KCNQ1: variants seen among roughly 807,000 people sequenced by gnomAD.
KCNQ1 encodes the protein potassium voltage-gated channel subfamily KQT member 1.
KCNQ1 carries 49 observed loss-of-function variants against 72.4 expected under a neutral mutation model. That is an observed-to-expected ratio of 0.68 (90% confidence interval 0.54 to 0.86). The LOEUF (loss-of-function observed/expected upper bound fraction) is 0.86, where lower values mean the gene tolerates loss of function less well. KCNQ1 is among the 40% of genes least tolerant of loss of function. The pLI is 0.00. For missense variants in KCNQ1, 790 were observed against 945.1 expected, an observed-to-expected ratio of 0.84 and a Z score of 2.15; for synonymous variants, 450 against 412.6, an observed-to-expected ratio of 1.09 and a Z score of -1.10.
chr11:2,741,578 C>G (rs1046770649), intron 11 of KCNQ1, among the ~76,000 whole-genome samples: 1 of 152,240 alleles, frequency 6.6e-6, no homozygotes, highest in East Asian at 1.9e-4. Context: ...TCTTCCAACC[C>G]AGGCCTGAGC....
rs780896003 is a variant in KCNQ1 at position 2,776,023 on chromosome 11, C to A, written c.1654C>A (p.Leu552Ile). Reference sequence around the variant, plus strand: ...GCAGTACTCGCAGGGCCACCTCAACCTCATGGTGCGCATCAAGGAGCTGCA... The same window carrying A: ...GCAGTACTCGCAGGGCCACCTCAACATCATGGTGCGCATCAAGGAGCTGCA... ...IEQYSQGHLN[L>I]MVRIKELQRR... is the part of the protein sequence containing the mutation. Residue 552 changes from leucine (L) to isoleucine (I), a missense_variant, in exon 13 of 16, where the codon CTC (leucine) becomes ATC (isoleucine). By Grantham distance (5) the Leu-to-Ile change is conservative. Around this residue, in one of 5 missense-constraint regions of KCNQ1, gnomAD observed 91 missense variants for 139.1 expected, o/e 0.65. Coordinates refer to ENST00000155840, the MANE Select transcript of KCNQ1 (RefSeq NM_000218.3). The A allele has an allele frequency of 1.9e-6, 3 of 1,572,628 alleles. No homozygotes were observed. The highest frequency in any genetic ancestry group is 2.6e-6 in the Non-Finnish European group (3 of 1,159,348).
chr11:2,652,790 AC>A lies in KCNQ1; in HGVS notation c.1394-9167del, dbSNP rs1275400950. 4 of 398,600 alleles carry A rather than the reference AC, an allele frequency of 1.0e-5. No homozygotes were observed. Among genetic ancestry groups the A allele is most frequent in the Non-Finnish European group, 1.8e-5 (4 of 226,410 alleles). The allele number at this position is 398,600 out of a possible 1,614,324, so 24.7% of individuals were successfully genotyped here. A position where few individuals can be genotyped will look rare whatever the true frequency, so the allele number is the denominator to read the frequency against. On this transcript the variant is annotated intron_variant, in intron 10 of 15. Coordinates refer to ENST00000155840, the MANE Select transcript of KCNQ1 (RefSeq NM_000218.3). This position sits in a 1 kb window ranked among gnomAD's most constrained non-coding sequence, Gnocchi z 5.9. Reference sequence around the variant, plus strand: ...CTTCCTCAGCGCCCCCGCTACTCAGACCCCACCCTTGGGCCTGCAGAGACAT... The same window carrying A: ...CTTCCTCAGCGCCCCCGCTACTCAGACCCACCCTTGGGCCTGCAGAGACAT...
rs1192114862 is a variant in KCNQ1 at position 2,746,803 on chromosome 11, C to G, written c.1515-22041C>G. 4.6e-5 allele frequency among the ~76,000 whole-genome samples: 7 copies of G among 152,230 alleles called. No homozygotes were observed. Among genetic ancestry groups the G allele is most frequent in the Admixed American group, 4.6e-4 (7 of 15,286 alleles). On this transcript the variant is annotated intron_variant, in intron 11 of 15. Coordinates refer to ENST00000155840, the MANE Select transcript of KCNQ1 (RefSeq NM_000218.3). This position sits in a 1 kb window ranked among gnomAD's most constrained non-coding sequence, Gnocchi z 5.9. Reference sequence around the variant, plus strand: ...CTTTGCAGACTGTCCTTGGACCCGCCAGCATTTGGCTCTGGGGCCCTAGAG... The same window carrying G: ...CTTTGCAGACTGTCCTTGGACCCGCGAGCATTTGGCTCTGGGGCCCTAGAG...
chr11:2,579,792 C>G lies in KCNQ1; in HGVS notation c.922-3643C>G, dbSNP rs1396608369. 2.6e-5 allele frequency among the ~76,000 whole-genome samples: 4 copies of G among 152,200 alleles called. No individual in the cohort carries two copies. The South Asian group carries it at 6.2e-4, about 24-fold the overall frequency. On this transcript the variant is annotated intron_variant, in intron 6 of 15. Transcript: ENST00000155840. The surrounding 1 kb of genome is among the most constrained non-coding windows in gnomAD (Gnocchi z 6.0). ...GACCACCCAGCCAGCCAGCAGGAGC[C>G]CACGTGCACCCAGCTCAGCCCCAGG... is the stretch of plus-strand genomic sequence containing the variant.
At position 2,679,537 on chromosome 11, in the gene KCNQ1, C is replaced by T; in HGVS notation, c.1514+17456C>T. 7.5e-6 allele frequency: 3 copies of T among 398,574 alleles called. No homozygotes were observed. The highest frequency in any genetic ancestry group is 1.3e-5 in the Non-Finnish European group (3 of 226,074). 24.7% of individuals were successfully genotyped at this position (398,574 alleles called of 1,614,324 possible). On this transcript the variant is annotated intron_variant, in intron 11 of 15. Transcript: ENST00000155840. This position sits in a 1 kb window ranked among gnomAD's most constrained non-coding sequence, Gnocchi z 4.8. ...ATGTATTGCTATACCTCATGATGGC[C>T]ATTCCATCCATTGTAATCATGTGTA...
rs182010615 is a variant in KCNQ1, at chr11:2,784,459, T to C, written c.1794+6422T>C. Among the ~76,000 whole-genome samples the C allele has an allele frequency of 1.3e-5, 2 of 152,130 alleles. No homozygotes were observed. The highest frequency in any genetic ancestry group is 2.1e-4 in the South Asian group (1 of 4,828). On this transcript the variant is annotated intron_variant, in intron 15 of 15. Coordinates refer to ENST00000155840, the MANE Select transcript of KCNQ1 (RefSeq NM_000218.3). The surrounding 1 kb of genome is among the most constrained non-coding windows in gnomAD (Gnocchi z 4.7). ...TACAGTAAGTTTTAAAATTAAATTA[T>C]GTAAGTTTTCTAATTTTGTTCATCT...
intron 7 of KCNQ1, among the ~76,000 whole-genome samples, chr11:2,584,731 T>TGC (rs1239024138): frequency 6.6e-6 from 1 of 152,074 alleles, no homozygotes; most frequent in Non-Finnish European, 1.5e-5. Flanking sequence ...TGTGTGTGTG[T>TGC]GCATCACACA....
intron 10 of KCNQ1, chr11:2,616,862 G>T: frequency 2.5e-6 from 1 of 398,160 alleles, no homozygotes; most frequent in South Asian, 1.3e-4. Context: ...GTAGTTGGGT[G>T]GAGTGTCCAT....
At chr11:2,499,492 C>A (rs1171231294) in intron 1 of KCNQ1, among the ~76,000 whole-genome samples, 2 of 151,392 alleles carry the variant, frequency 1.3e-5, no homozygotes, top group Admixed American at 6.6e-5. Context: ...GCTAACCTTG[C>A]CAATCAAAAG....
At chr11:2,702,474 T>G (rs1850832521) in intron 11 of KCNQ1, among the ~76,000 whole-genome samples, 1 of 152,198 alleles carries the variant, frequency 6.6e-6, no homozygotes, top group Non-Finnish European at 1.5e-5. Context: ...GGGTGTTGGT[T>G]AGGATTTTTA....
chr11:2,743,158 G>A (rs1846083572), intron 11 of KCNQ1, among the ~76,000 whole-genome samples: 1 of 152,206 alleles, frequency 6.6e-6, no homozygotes, highest in Non-Finnish European at 1.5e-5. Flanking sequence ...TCATGTTTGA[G>A]AGGGAAGGGG....
intron 15 of KCNQ1, among the ~76,000 whole-genome samples, chr11:2,833,377 T>C (rs891675152): frequency 6.6e-6 from 1 of 152,022 alleles, no homozygotes; most frequent in African/African-American, 2.4e-5. Context: ...TCTCCAAGCT[T>C]CTCCCCTCAT....
At chr11:2,700,683 G>A (rs1041705509) in intron 11 of KCNQ1, among the ~76,000 whole-genome samples, 9 of 152,070 alleles carry the variant, frequency 5.9e-5, no homozygotes, top group Non-Finnish European at 8.8e-5. Context: ...TGGCAGGGGT[G>A]GCCGGGACAT....
intron 15 of KCNQ1, among the ~76,000 whole-genome samples, chr11:2,794,361 G>A (rs2134013362): frequency 2.0e-5 from 3 of 152,340 alleles, no homozygotes; most frequent in Middle Eastern, 6.8e-3. Flanking sequence ...TGAGGTAGGA[G>A]GGTCAGGAGG....
chr11:2,447,009 G>C lies in KCNQ1; in HGVS notation c.386+1525G>C, dbSNP rs973539763. 1.3e-5 allele frequency among the ~76,000 whole-genome samples: 2 copies of C among 152,230 alleles called. No individual in the cohort carries two copies. Among genetic ancestry groups the C allele is most frequent in the African/African-American group, 4.8e-5 (2 of 41,444 alleles). On this transcript the variant is annotated intron_variant, in intron 1 of 15. Coordinates refer to ENST00000155840, the MANE Select transcript of KCNQ1 (RefSeq NM_000218.3). The surrounding 1 kb of genome is among the most constrained non-coding windows in gnomAD (Gnocchi z 7.6). Reference sequence around the variant, plus strand: ...ACCCCAGACTCTCTGAGATGTCCAAGGGTGGGAAGACCTCCTCAGCCAGAG... The same window carrying C: ...ACCCCAGACTCTCTGAGATGTCCAACGGTGGGAAGACCTCCTCAGCCAGAG...
rs1400870084 is a variant in KCNQ1 at position 2,541,038 on chromosome 11, TGTG to T, written c.477+13022_477+13024del. On this transcript the variant is annotated intron_variant, in intron 2 of 15. Transcript: ENST00000155840. This position sits in a 1 kb window ranked among gnomAD's most constrained non-coding sequence, Gnocchi z 4.8. Reference sequence around the variant, plus strand: ...GGACGTATGCACACATAGGTACCCATGTGGACACACTCACGTGTGTGTGCACGT... The same window carrying T: ...GGACGTATGCACACATAGGTACCCATGACACACTCACGTGTGTGTGCACGT... Among the ~76,000 whole-genome samples the T allele has an allele frequency of 2.0e-5, 3 of 152,228 alleles. No homozygotes were observed. The highest frequency in any genetic ancestry group is 7.2e-5 in the African/African-American group (3 of 41,470).
intron 1 of KCNQ1, among the ~76,000 whole-genome samples, chr11:2,522,513 G>A (rs886847484): frequency 3.9e-5 from 6 of 152,240 alleles, no homozygotes; most frequent in Non-Finnish European, 8.8e-5. Flanking sequence ...AGGGACCCCA[G>A]CTCGGCACCT....
At chr11:2,776,892 G>T in intron 13 of KCNQ1, 94 bp from the exon 14 acceptor site, 2 of 1,259,748 alleles carry the variant, frequency 1.6e-6, no homozygotes, top group South Asian at 2.5e-5. Context: ...CCACTGTCTT[G>T]CCGGGCACGT....
rs931807667 is a variant in KCNQ1, at chr11:2,671,093, GCAGTTAGTCTGAGCAGTTAGTCTGT to G, written c.1514+9016_1514+9040del. ...TGACTGGCTAGCAGGAGGAAGTCTG[GCAGTTAGTCTGAGCAGTTAGTCTGT>G]CAGGCCTGGTTGGTCCCATGGGAGG... On this transcript the variant is annotated intron_variant, in intron 11 of 15. Transcript: ENST00000155840. The surrounding 1 kb of genome is among the most constrained non-coding windows in gnomAD (Gnocchi z 4.7). 7.9e-5 allele frequency: 10 copies of G among 126,256 alleles called. No homozygotes were observed. In the African/African-American group the frequency reaches 1.0e-3, roughly 13 times the overall value. The allele number at this position is 126,256 out of a possible 1,614,324, so 7.8% of individuals were successfully genotyped here.
Sources: gnomAD v4.1 joint callset for allele counts (sites outside exome capture counted in the v4.1 genomes callset) on GRCh38, gnomAD v4.1.1 for gene constraint, gnomAD v4.1.1 regional missense constraint, Gnocchi (gnomAD v3.1) non-coding constraint, MANE v1.5 for transcripts, NCBI Gene and HGNC (gene_info 2026-07-23, HGNC 2026-07-21) for gene names.